FYCO1: variants seen among roughly 807,000 people sequenced by gnomAD.
The protein encoded by FYCO1 is FYVE and coiled-coil domain-containing protein 1.
In FYCO1, 122 loss-of-function variants were observed where a neutral mutation model predicts 165.1. The ratio of observed to expected loss-of-function variants is 0.74; its 90% CI spans 0.64 to 0.86. The LOEUF is 0.86. Ranked by LOEUF, FYCO1 falls within the 40% of genes least tolerant of loss-of-function variation. The pLI is 0.00. For missense variants in FYCO1, 1,702 were observed against 1,810.3 expected, an observed-to-expected ratio of 0.94 and a Z score of 1.09; for synonymous variants, 648 against 742.5, an observed-to-expected ratio of 0.87 and a Z score of 2.07.
chr3:45,971,535 C>T (rs1330695398), intron 6 of FYCO1, among the ~76,000 whole-genome samples: 1 of 152,214 alleles, frequency 6.6e-6, no homozygotes, highest in Non-Finnish European at 1.5e-5. Flanking sequence ...TGAAACAAAT[C>T]AACACTGTGT....
chr3:45,946,819 T>A (rs1015435859), intron 14 of FYCO1: 1 of 1,614,194 alleles, frequency 6.2e-7, no homozygotes, highest in Non-Finnish European at 8.5e-7. Flanking sequence ...ACTATTAACT[T>A]CTACACGTCC....
At chr3:45,957,920 T>A (rs1380500419) in intron 13 of FYCO1, among the ~76,000 whole-genome samples, 1 of 152,226 alleles carries the variant, frequency 6.6e-6, no homozygotes, top group East Asian at 1.9e-4. Context: ...TAGGGTGTGC[T>A]CAAAACCGAA....
rs115368035 is a variant in FYCO1, at chr3:45,982,446, C to A, written c.56-770G>T. Among the ~76,000 whole-genome samples, 583 of 152,262 alleles carry A rather than the reference C, an allele frequency of 3.8e-3. 5 individuals carry two copies. Among genetic ancestry groups the A allele is most frequent in the African/African-American group, 0.014 (563 of 41,524 alleles). On this transcript the variant is annotated intron_variant, in intron 2 of 17. Transcript: ENST00000296137. ...GCAAACAGCAGAGCTGGAATAAGAA[C>A]CCTGGTTTTCTCAAGAGCTGTCTAA...
intron 15 of FYCO1, among the ~76,000 whole-genome samples, chr3:45,934,660 C>T (rs187830847): frequency 2.0e-5 from 3 of 152,320 alleles, no homozygotes; most frequent in Admixed American, 2.0e-4. Context: ...CAATGCAATC[C>T]ATCATATCAA....
chr3:45,979,597 A>G, intron 4 of FYCO1, 108 bp downstream of exon 4: 1 of 1,393,132 alleles, frequency 7.2e-7, no homozygotes, highest in South Asian at 1.2e-5. Context: ...TTTACCACCC[A>G]TAAACTCCCA....
At chr3:45,924,547 A>G (rs1038437451) in intron 16 of FYCO1, among the ~76,000 whole-genome samples, 3 of 152,180 alleles carry the variant, frequency 2.0e-5, no homozygotes, top group East Asian at 1.9e-4. Flanking sequence ...CTTACCAGCT[A>G]AGACACAGGC....
At chr3:45,980,184 A>G (rs1234277155) in intron 3 of FYCO1, among the ~76,000 whole-genome samples, 2 of 152,108 alleles carry the variant, frequency 1.3e-5, no homozygotes, top group Non-Finnish European at 2.9e-5. Flanking sequence ...CCCCATCTCT[A>G]CTAAAAATAC....
chr3:45,989,853 A>T lies in FYCO1; in HGVS notation c.-112-4831T>A, dbSNP rs563520792. ...GTTGCTTTTGGATCTGGGGAAGCCA[A>T]GTCTTTTTTTAGTGAGGTGGGCAGT... On this transcript the variant is annotated intron_variant, in intron 1 of 17. Coordinates refer to ENST00000296137, the MANE Select transcript of FYCO1 (RefSeq NM_024513.4). Among the ~76,000 whole-genome samples, 3 of 152,230 alleles carry T rather than the reference A, an allele frequency of 2.0e-5. No homozygotes were observed. In the East Asian group the frequency reaches 5.8e-4, roughly 29 times the overall value.
intron 11 of FYCO1, 34 bp from the exon 12 acceptor site, chr3:45,959,576 A>G (rs1705573963): frequency 1.9e-6 from 3 of 1,603,122 alleles, no homozygotes; most frequent in South Asian, 1.1e-5. Context: ...AAAAGGAGAG[A>G]GAATCCATGA....
chr3:45,944,559 AT>A (rs1258807879), intron 14 of FYCO1, among the ~76,000 whole-genome samples: 1 of 152,168 alleles, frequency 6.6e-6, no homozygotes, highest in Admixed American at 6.6e-5. Context: ...ACAAAATAGG[AT>A]TTTAATTATA....
intron 8 of FYCO1, among the ~76,000 whole-genome samples, chr3:45,965,624 C>T (rs1705965150): frequency 6.6e-6 from 1 of 152,256 alleles, no homozygotes; most frequent in African/African-American, 2.4e-5. Context: ...ACTTGTCTGT[C>T]CCAAGGGCCT....
At chr3:45,938,120 T>C (rs1559444601) in intron 14 of FYCO1, 1 of 836,186 alleles carries the variant, frequency 1.2e-6, no homozygotes, top group Non-Finnish European at 1.7e-6. Flanking sequence ...ATAAAAGATG[T>C]CCTAATCTAT....
intron 14 of FYCO1, chr3:45,945,389 G>C (rs1704520569): frequency 6.6e-6 from 1 of 152,258 alleles, no homozygotes; most frequent in Non-Finnish European, 1.5e-5. Context: ...GGCTGATGTT[G>C]CCGCAGCTGC....
At chr3:45,979,046 G>C (rs1015145257) in intron 4 of FYCO1, among the ~76,000 whole-genome samples, 2 of 151,800 alleles carry the variant, frequency 1.3e-5, no homozygotes, top group Non-Finnish European at 2.9e-5. Context: ...TTTTTTAGTA[G>C]AGACGGGGTT....
chr3:45,955,462 C>T, intron 13 of FYCO1, 69 bp from the exon 14 acceptor site: 1 of 1,583,062 alleles, frequency 6.3e-7, no homozygotes, highest in East Asian at 2.2e-5. Flanking sequence ...GGGTAAGGGC[C>T]CTTGGGAAAG....
intron 14 of FYCO1, chr3:45,938,248 C>G: frequency 7.8e-7 from 1 of 1,289,188 alleles, no homozygotes; most frequent in Non-Finnish European, 1.0e-6. Flanking sequence ...CTGGCCCCGA[C>G]AGACGCCCTG....
intron 14 of FYCO1, chr3:45,944,916 T>A (rs547458873): frequency 6.6e-6 from 1 of 152,364 alleles, no homozygotes; most frequent in East Asian, 1.9e-4. Flanking sequence ...ACACATCATC[T>A]GACCTACTTA....
At position 45,918,828 on chromosome 3, in the gene FYCO1, G is replaced by T. The variant is rs1164651891; in HGVS notation, c.*2937C>A. 6.6e-6 allele frequency: 1 copy of T among 152,066 alleles called. No individual in the cohort carries two copies. Among genetic ancestry groups the T allele is most frequent in the Non-Finnish European group, 1.5e-5 (1 of 68,044 alleles). 9.4% of individuals were successfully genotyped at this position (152,066 alleles called of 1,614,324 possible). On this transcript the variant is annotated 3_prime_UTR_variant, in exon 18 of 18. Transcript: ENST00000296137. ...GTTCCCGTGTCTTTGCCTGCTCTTG[G>T]TCCAGTCCACCTGGAATCCAGTGTG...
In FYCO1 at chr3:45,966,910, C is replaced by T; in HGVS notation, c.2424G>A (p.Lys808=). Residue 808 remains lysine, a synonymous_variant, in exon 8 of 18, where the codon AAG becomes AAA. Transcript: ENST00000296137. ...CAGCCATGCTTAGCTGGCTCTGCAC[C>T]TTGTCCTGGTCATCCAGGGCTGCCC... ...KMRAALDDQD[K]VQSQLSMAEA... is the part of the protein sequence containing the mutation. The T allele has an allele frequency of 6.2e-7, 1 of 1,613,754 alleles. No individual in the cohort carries two copies. Among genetic ancestry groups the T allele is most frequent in the Non-Finnish European group, 8.5e-7 (1 of 1,180,046 alleles).
Sources: allele counts gnomAD v4.1 joint callset (sites outside exome capture counted in the v4.1 genomes callset), GRCh38; gene constraint gnomAD v4.1.1; transcripts MANE v1.5; gene names NCBI Gene and HGNC (gene_info 2026-07-23, HGNC 2026-07-21).